PCNX3: variants seen among roughly 807,000 people sequenced by gnomAD.
The protein encoded by PCNX3 is pecanex 3.
PCNX3 carries 58 observed loss-of-function variants against 207.2 expected under a neutral mutation model. That is an observed-to-expected ratio of 0.28 (90% CI 0.23 to 0.35). The LOEUF (loss-of-function observed/expected upper bound fraction) is 0.35. Among genes scored for constraint, PCNX3 ranks in the 10% least tolerant of loss-of-function variants. The pLI is 1.00. For synonymous variants in PCNX3, 1,337 were observed against 1,183.5 expected (o/e 1.13, Z -2.66); for missense variants, 2,410 against 2,774.4 (o/e 0.87, Z 2.95).
At chr11:65,621,762 C>T (rs1251795944) in intron 10 of PCNX3, among the ~76,000 whole-genome samples, 3 of 152,236 alleles carry the variant, frequency 2.0e-5, no homozygotes, top group Non-Finnish European at 2.9e-5. Context: ...AATGAGAGGT[C>T]AAGTCATGTG....
At position 65,636,828 on chromosome 11, in the gene PCNX3, C is replaced by T. The variant is rs1855869665; in HGVS notation, c.5955C>T (p.Ala1985=). The stretch of plus-strand genomic sequence containing the variant: ...TCAGCCCCGATGTCAGCACTGAGGC[C>T]TCACCCCCCAGAGCTTCCCAGGACA... ...LSLSPDVSTE[A]SPPRASQDIP... is the part of the protein sequence containing the mutation. The change falls in exon 35 of 35, where the codon GCC becomes GCT. Residue 1985 remains alanine (A), a synonymous_variant. Coordinates refer to ENST00000355703, the MANE Select transcript of PCNX3 (RefSeq NM_032223.4). The T allele has an allele frequency of 1.9e-6, 3 of 1,550,924 alleles. No homozygotes were observed. Among genetic ancestry groups the T allele is most frequent in the South Asian group, 1.2e-5 (1 of 84,058 alleles).
At position 65,618,065 on chromosome 11, in the gene PCNX3, A is replaced by G. The variant is rs1167059001; in HGVS notation, c.703A>G (p.Thr235Ala). The G allele has an allele frequency of 3.1e-6, 5 of 1,606,908 alleles. No homozygotes were observed. The highest frequency in any genetic ancestry group is 1.3e-5 in the African/African-American group (1 of 74,748). Reference protein sequence around the residue: ...APWSGSSMADTPMSPLLKGSL... With the variant: ...APWSGSSMADAPMSPLLKGSL... ...CTGGAGTGGGAGCAGCATGGCTGAC[A>G]CTCCCATGAGCCCCCTGCTGAAGGG... is the stretch of plus-strand genomic sequence containing the variant. The change falls in exon 6 of 35, where the codon ACT becomes GCT. Residue 235 changes from threonine to alanine, a missense_variant. This residue lies in a region of PCNX3 where 1,104 missense variants were observed against 970.3 expected (regional missense o/e 1.14). Transcript: ENST00000355703.
At position 65,625,589 on chromosome 11, in the gene PCNX3, G is replaced by A; in HGVS notation, c.3136-63G>A. ...TCCTGGGAGGGGCATGTCCAGCTTG[G>A]GCTGCTGGGCAGCTGAGTGTCTCTC... On this transcript the variant is annotated intron_variant, in intron 18 of 34. Transcript: ENST00000355703. The surrounding 1 kb of genome is among the most constrained non-coding windows in gnomAD (Gnocchi z 5.6). 1 of 1,590,664 alleles carries A rather than the reference G, an allele frequency of 6.3e-7. No homozygotes were observed. Among genetic ancestry groups the A allele is most frequent in the Non-Finnish European group, 8.6e-7 (1 of 1,167,784 alleles).
At chr11:65,631,223 G>A (rs1345137108) in intron 27 of PCNX3, among the ~76,000 whole-genome samples, 1 of 152,170 alleles carries the variant, frequency 6.6e-6, no homozygotes, top group Middle Eastern at 3.2e-3. Flanking sequence ...TTGGGGGTGG[G>A]AGGGGGTTGG....
rs771032382 is a variant in PCNX3 at position 65,628,895 on chromosome 11, C to T, written c.3888C>T (p.Ala1296=). The T allele has an allele frequency of 8.7e-5, 141 of 1,612,588 alleles. No homozygotes were observed. The highest frequency in any genetic ancestry group is 1.2e-4 in the Non-Finnish European group (136 of 1,179,836). Residue 1296 remains alanine (A), a synonymous_variant, in exon 24 of 35, where the codon GCC becomes GCT. Coordinates refer to ENST00000355703, the MANE Select transcript of PCNX3 (RefSeq NM_032223.4). ...CTCTCAACCCACTGCTAGGCAGTGC[C>T]GTCTTCATCATGTCCTACGCTCGGC... is the stretch of plus-strand genomic sequence containing the variant. ...STPLNPLLGS[A]VFIMSYARPL...
intron 12 of PCNX3, 128 bp from the exon 13 acceptor site, chr11:65,623,801 C>T: frequency 1.3e-6 from 2 of 1,535,602 alleles, no homozygotes; most frequent in South Asian, 1.2e-5. Flanking sequence ...AAAACTGAGG[C>T]TCAGGACAGT....
At chr11:65,633,914 G>C (rs1321321459) in intron 27 of PCNX3, among the ~76,000 whole-genome samples, 1 of 152,246 alleles carries the variant, frequency 6.6e-6, no homozygotes, top group Non-Finnish European at 1.5e-5. Flanking sequence ...CTGTAAGTGG[G>C]TGCTTCCTGG....
Position 65,622,350 on chromosome 11 carries a change from C to A in PCNX3, c.2341C>A (p.Leu781Met). 6.3e-7 allele frequency: 1 copy of A among 1,591,944 alleles called. No individual in the cohort carries two copies. The highest frequency in any genetic ancestry group is 8.5e-7 in the Non-Finnish European group (1 of 1,171,112). ...TGTGCGCTATGAGCGGCTTGCCCTG[C>A]TGGCTCTGCTGGACCGGTGAGTGTC... ...TSVRYERLALLALLDRTRGVL... is the reference protein window; with the variant it reads ...TSVRYERLALMALLDRTRGVL... Residue 781 changes from leucine to methionine, a missense_variant, in exon 11 of 35, where the codon CTG (leucine) becomes ATG (methionine). Physicochemically the swap from Leu to Met is conservative, Grantham distance 15. Around this residue, in one of 8 missense-constraint regions of PCNX3, gnomAD observed 177 missense variants for 257.5 expected, o/e 0.69. Transcript: ENST00000355703.
At position 65,618,012 on chromosome 11, in the gene PCNX3, C is replaced by T. The variant is rs750684127; in HGVS notation, c.650C>T (p.Pro217Leu). 7.5e-6 allele frequency: 12 copies of T among 1,610,338 alleles called. No individual in the cohort carries two copies. The East Asian group carries it at 1.1e-4, about 15-fold the overall frequency. Residue 217 changes from proline (P) to leucine (L), a missense_variant, in exon 6 of 35, where the codon CCT (proline) becomes CTT (leucine). Transcript: ENST00000355703. The stretch of plus-strand genomic sequence containing the variant: ...CTTGCCAGTACAGACTCTTCAGAGC[C>T]TTCTCCCCTGGCTGGAGATGGAGCG... ...PSLASTDSSE[P>L]SPLAGDGAPW... is the part of the protein sequence containing the mutation.
At chr11:65,619,693 C>T (rs199692705) in intron 7 of PCNX3, 33 bp downstream of exon 7, 68 of 1,573,364 alleles carry the variant, frequency 4.3e-5, no homozygotes, top group African/African-American at 2.1e-4. Flanking sequence ...CGAGGGGCAC[C>T]GGGGGCCGGG....
intron 23 of PCNX3, 49 bp from the exon 24 acceptor site, chr11:65,628,770 G>A (rs779086920): frequency 3.7e-6 from 6 of 1,603,688 alleles, no homozygotes; most frequent in Middle Eastern, 1.7e-4. Context: ...GGGGGGTGGT[G>A]GGGGGCTGGG....
rs767067692 is a variant in PCNX3, at chr11:65,628,826, C to T, written c.3819C>T (p.Ala1273=). 1.2e-5 allele frequency: 19 copies of T among 1,611,552 alleles called. No homozygotes were observed. Among genetic ancestry groups the T allele is most frequent in the Non-Finnish European group, 1.5e-5 (18 of 1,179,810 alleles). ...TCCTTGACTGTGGCTCAGACTCGGCCATGCTGTTCGTCCAGGCCCTGCTCT... is the reference window on the plus strand; with the variant it reads ...TCCTTGACTGTGGCTCAGACTCGGCTATGCTGTTCGTCCAGGCCCTGCTCT... ...FAQPFAVPHS[A]MLFVQALLSG... is the part of the protein sequence containing the mutation. The change falls in exon 24 of 35, where the codon GCC becomes GCT. Residue 1273 remains alanine, a synonymous_variant. Transcript: ENST00000355703.
intron 27 of PCNX3, among the ~76,000 whole-genome samples, chr11:65,633,691 G>C (rs1312398727): frequency 3.9e-5 from 6 of 152,246 alleles, no homozygotes; most frequent in Admixed American, 3.9e-4. Context: ...GCCAGCCAGA[G>C]GCGGGTGGGG....
intron 21 of PCNX3, 144 bp downstream of exon 21, chr11:65,627,192 C>T (rs1473422559): frequency 2.3e-6 from 3 of 1,283,496 alleles, no homozygotes; most frequent in Admixed American, 2.9e-5. Flanking sequence ...CACGCCATCC[C>T]AGGAAGTGGT....
intron 29 of PCNX3, 98 bp from the exon 30 acceptor site, chr11:65,634,875 C>A (rs1030792709): frequency 6.9e-6 from 10 of 1,454,418 alleles, no homozygotes; most frequent in Non-Finnish European, 7.4e-6. Flanking sequence ...GAAACTGAGG[C>A]TCAGCGTGAG....
chr11:65,628,491 C>G, intron 22 of PCNX3, 104 bp from the exon 23 acceptor site: 1 of 1,142,590 alleles, frequency 8.8e-7, no homozygotes. Context: ...CCCCCGTGGG[C>G]CAAGCCAGTG....
rs1855485673 is a variant in PCNX3, at chr11:65,628,327, A to G, written c.3703-268A>G. Among the ~76,000 whole-genome samples the G allele has an allele frequency of 2.0e-5, 3 of 152,302 alleles. No homozygotes were observed. The South Asian group carries it at 6.2e-4, about 32-fold the overall frequency. On this transcript the variant is annotated intron_variant, in intron 22 of 34. Coordinates refer to ENST00000355703, the MANE Select transcript of PCNX3 (RefSeq NM_032223.4). ...CTGAACCTCAACTTTCCCATCTGTG[A>G]AAAGGGGCCAGCAATAGGAATAAGA...
Position 65,619,706 on chromosome 11 carries a change from G to A in PCNX3, c.1829+46G>A, listed in dbSNP as rs1417921339. The A allele has an allele frequency of 2.6e-6, 4 of 1,565,822 alleles. No individual in the cohort carries two copies. In the South Asian group the frequency reaches 3.5e-5, roughly 14 times the overall value. ...GCCGAGGGGCACCGGGGGCCGGGGA[G>A]GGCCCGCAAGCTCTAGCTGGCGCTG... On this transcript the variant is annotated intron_variant, in intron 7 of 34. Coordinates refer to ENST00000355703, the MANE Select transcript of PCNX3 (RefSeq NM_032223.4).
At chr11:65,617,891 T>C in intron 5 of PCNX3, 49 bp from the exon 6 acceptor site, 1 of 1,513,086 alleles carries the variant, frequency 6.6e-7, no homozygotes, top group Non-Finnish European at 8.9e-7. Flanking sequence ...CACTAGTTTG[T>C]TTTGCAGAAA....
Sources: allele counts gnomAD v4.1 joint callset (sites outside exome capture counted in the v4.1 genomes callset), GRCh38; gene constraint gnomAD v4.1.1; regional missense constraint gnomAD v4.1.1; non-coding constraint Gnocchi (gnomAD v3.1); transcripts MANE v1.5; gene names NCBI Gene and HGNC (gene_info 2026-07-23, HGNC 2026-07-21).